Variants in IARS1 observed in about 807,000 individuals in gnomAD.
IARS1 encodes the protein isoleucine--tRNA ligase, cytoplasmic.
Under a neutral mutation model 168.2 loss-of-function variants are expected in IARS1, and 124 were observed. The observed-to-expected ratio is 0.74, with a 90% CI of 0.64 to 0.86. IARS1 has a LOEUF of 0.86. Ranked by LOEUF, IARS1 falls within the 40% of genes least tolerant of loss-of-function variation. IARS1 has a pLI of 0.00. For synonymous variants in IARS1, 532 were observed against 529.4 expected (o/e 1.00, Z -0.07); for missense variants, 1,452 against 1,515.8 (o/e 0.96, Z 0.70).
intron 16 of IARS1, among the ~76,000 whole-genome samples, chr9:92,264,392 G>C (rs989715657): frequency 6.7e-6 from 1 of 149,752 alleles, no homozygotes; most frequent in Admixed American, 6.6e-5. Flanking sequence ...TCCATGGAAA[G>C]AAAGTAATTC....
intron 31 of IARS1, among the ~76,000 whole-genome samples, chr9:92,228,182 T>C (rs563920121): frequency 6.6e-6 from 1 of 152,084 alleles, no homozygotes; most frequent in Non-Finnish European, 1.5e-5. Flanking sequence ...CATACTGGAT[T>C]AGGGGCCCAC....
At chr9:92,279,351 C>G (rs1220747565) in intron 7 of IARS1, among the ~76,000 whole-genome samples, 1 of 152,120 alleles carries the variant, frequency 6.6e-6, no homozygotes, top group Non-Finnish European at 1.5e-5. Context: ...AGATCTCAGT[C>G]AGGTGGCTGC....
intron 26 of IARS1, among the ~76,000 whole-genome samples, chr9:92,246,689 G>A (rs1157393678): frequency 6.6e-6 from 1 of 152,134 alleles, no homozygotes; most frequent in Non-Finnish European, 1.5e-5. Context: ...TGGGATGGCA[G>A]GCACATACCA....
chr9:92,210,809 A>G lies in IARS1; in HGVS notation c.3787T>C (p.Ter1263GlnextTer13). ...VSVLPTTADF[*>Q] ...CGAACAACATTGATAAGTACATGCT[A>G]GAAGTCTGCTGTTGTTGGTAACACA... The change falls in exon 34 of 34, where the codon TAG becomes CAG. Residue 1263 changes from the stop codon to glutamine, a stop_lost. Coordinates refer to ENST00000443024, the MANE Select transcript of IARS1 (RefSeq NM_002161.6). 2 of 1,596,854 alleles carry G rather than the reference A, an allele frequency of 1.3e-6. No homozygotes were observed. The highest frequency in any genetic ancestry group is 1.7e-6 in the Non-Finnish European group (2 of 1,164,260).
chr9:92,277,652 G>C (rs2133919584), intron 9 of IARS1, among the ~76,000 whole-genome samples: 1 of 148,276 alleles, frequency 6.7e-6, no homozygotes, highest in African/African-American at 2.6e-5. Flanking sequence ...TCCAGCCTGG[G>C]GGACAGAGGA....
At chr9:92,215,435 G>A (rs867995745) in intron 33 of IARS1, among the ~76,000 whole-genome samples, 8 of 152,342 alleles carry the variant, frequency 5.3e-5, no homozygotes, top group Middle Eastern at 6.8e-3. Context: ...TGACTTTGAC[G>A]AGCTGAGAGA....
rs769885414 is a variant in IARS1 at position 92,222,564 on chromosome 9, C to T, written c.3662G>A (p.Arg1221Gln). ...LYEAAKVFGL[R>Q]SRKLKLFLNE... ...CAGAAACAGCTTTAGCTTCCTGCTC[C>T]GAAGGCCAAACACCTTGGCTGCTTC... The change falls in exon 33 of 34, where the codon CGG becomes CAG. Residue 1221 changes from arginine (R) to glutamine (Q), a missense_variant. Coordinates refer to ENST00000443024, the MANE Select transcript of IARS1 (RefSeq NM_002161.6). 11 of 1,613,934 alleles carry T rather than the reference C, an allele frequency of 6.8e-6. No homozygotes were observed. The highest frequency in any genetic ancestry group is 1.7e-5 in the Admixed American group (1 of 59,990).
Position 92,274,530 on chromosome 9 carries a change from A to G in IARS1, c.895-9T>C, listed in dbSNP as rs1296064134. On this transcript the variant is annotated splice_polypyrimidine_tract_variant and intron_variant, in intron 9 of 33. Coordinates refer to ENST00000443024, the MANE Select transcript of IARS1 (RefSeq NM_002161.6). ...GCGCCATTCTCTTTACACTGGAAAG[A>G]AAGGACAGCAGGCTTCAGGGATGAA... is the stretch of plus-strand genomic sequence containing the variant. 3 of 1,598,870 alleles carry G rather than the reference A, an allele frequency of 1.9e-6. No individual in the cohort carries two copies. The highest frequency in any genetic ancestry group is 2.6e-6 in the Non-Finnish European group (3 of 1,166,218).
chr9:92,268,221 ATC>A lies in IARS1; in HGVS notation c.1382_1383del (p.Arg461IlefsTer13), dbSNP rs1057520159. 1 of 1,611,510 alleles carries A rather than the reference ATC, an allele frequency of 6.2e-7. No homozygotes were observed. The highest frequency in any genetic ancestry group is 8.5e-7 in the Non-Finnish European group (1 of 1,179,380). ...CACAGTGGGATGGGGGTGCCCCAGT[ATC>A]TGTTTCTGGAAATTGTCCAGTCACG... ...DARDWTISRN[R>X]YWGTPIPLWV... is the part of the protein sequence containing the mutation. On this transcript the variant is annotated frameshift_variant, in exon 14 of 34. Coordinates refer to ENST00000443024, the MANE Select transcript of IARS1 (RefSeq NM_002161.6). LOFTEE classifies it high-confidence loss of function.
chr9:92,213,289 T>C (rs1053944767), intron 33 of IARS1, among the ~76,000 whole-genome samples: 2 of 151,948 alleles, frequency 1.3e-5, no homozygotes, highest in Non-Finnish European at 2.9e-5. Context: ...GTCCAACAAA[T>C]CTCTGCTGAA....
intron 4 of IARS1, 132 bp from the exon 5 acceptor site, chr9:92,286,750 T>C: frequency 1.8e-6 from 1 of 545,882 alleles, no homozygotes; most frequent in South Asian, 2.8e-5. Flanking sequence ...CAAGTAAATC[T>C]ATACTGCCAA....
intron 3 of IARS1, 66 bp downstream of exon 3, chr9:92,288,055 CATATT>C: frequency 6.5e-7 from 1 of 1,534,080 alleles, no homozygotes; most frequent in Middle Eastern, 1.7e-4. Context: ...CATACTTGAA[CATATT>C]ATATGACAAA....
At chr9:92,251,766 C>T in intron 22 of IARS1, 42 bp downstream of exon 22, 1 of 1,437,448 alleles carries the variant, frequency 7.0e-7, no homozygotes, top group South Asian at 1.2e-5. Flanking sequence ...CTGAAGGCAG[C>T]CCATAGGCCA....
intron 29 of IARS1, among the ~76,000 whole-genome samples, chr9:92,241,517 C>T (rs1406465675): frequency 1.3e-5 from 2 of 151,932 alleles, no homozygotes; most frequent in Non-Finnish European, 2.9e-5. Context: ...AGCTAATTTT[C>T]GTATTTTTAG....
chr9:92,259,353 C>CA (rs1831196304), intron 18 of IARS1, among the ~76,000 whole-genome samples: 1 of 152,110 alleles, frequency 6.6e-6, no homozygotes, highest in Non-Finnish European at 1.5e-5. Flanking sequence ...ACGGACACGA[C>CA]CTGCATCTGC....
chr9:92,268,277 T>G lies in IARS1; in HGVS notation c.1328A>C (p.Lys443Thr). The G allele has an allele frequency of 6.2e-7, 1 of 1,611,302 alleles. No individual in the cohort carries two copies. Among genetic ancestry groups the G allele is most frequent in the South Asian group, 1.1e-5 (1 of 90,362 alleles). ...CYWVPELVRE[K>T]RFGNWLKDAR... ...ATCTTTCAGCCAATTTCCAAATCGTTTTTCTCGTACCAACTCTGGGACCCT... is the reference window on the plus strand; with the variant it reads ...ATCTTTCAGCCAATTTCCAAATCGTGTTTCTCGTACCAACTCTGGGACCCT... Residue 443 changes from lysine (K) to threonine (T), a missense_variant, in exon 14 of 34, where the codon AAA (lysine) becomes ACA (threonine). By Grantham distance (78) the Lys-to-Thr change is moderately conservative (BLOSUM62 -1). Coordinates refer to ENST00000443024, the MANE Select transcript of IARS1 (RefSeq NM_002161.6).
At position 92,286,557 on chromosome 9, in the gene IARS1, G is replaced by A; in HGVS notation, c.458C>T (p.Pro153Leu). ...CTACCAGACTGATTCCATGAATTGT[G>A]GATACAGAGTTTTATAGTCATTGTC... is the stretch of plus-strand genomic sequence containing the variant. The part of the protein sequence containing the change: ...DFDNDYKTLY[P>L]QFMESVWWVF... The change falls in exon 5 of 34, where the codon CCA (proline) becomes CTA (leucine). Residue 153 changes from proline (P) to leucine (L), a missense_variant. Pro to Leu is a moderately conservative substitution (Grantham distance 98). Transcript: ENST00000443024. The A allele has an allele frequency of 1.9e-6, 3 of 1,589,004 alleles. No homozygotes were observed. Among genetic ancestry groups the A allele is most frequent in the Non-Finnish European group, 2.6e-6 (3 of 1,157,778 alleles).
At chr9:92,226,445 G>A (rs1825696157) in intron 31 of IARS1, among the ~76,000 whole-genome samples, 1 of 152,168 alleles carries the variant, frequency 6.6e-6, no homozygotes, top group Non-Finnish European at 1.5e-5. Flanking sequence ...TTGGCCATTT[G>A]CATTTCTTCT....
At chr9:92,280,389 T>C (rs980968114) in intron 7 of IARS1, among the ~76,000 whole-genome samples, 1 of 152,200 alleles carries the variant, frequency 6.6e-6, no homozygotes, top group African/African-American at 2.4e-5. Flanking sequence ...CAGGGGACAT[T>C]TGAAAGGCAA....
Sources: allele counts gnomAD v4.1 joint callset (sites outside exome capture counted in the v4.1 genomes callset), GRCh38; gene constraint gnomAD v4.1.1; transcripts MANE v1.5; gene names NCBI Gene and HGNC (gene_info 2026-07-23, HGNC 2026-07-21).